Variants in TET3 observed in about 807,000 individuals in gnomAD.
TET3 encodes the protein methylcytosine dioxygenase TET3.
TET3 carries 19 observed loss-of-function variants against 141.4 expected under a neutral mutation model. The observed-to-expected ratio is 0.13, with a 90% CI of 0.09 to 0.20. The LOEUF is 0.20. TET3 is among the 10% of genes least tolerant of loss of function. TET3 has a pLI of 1.00. For synonymous variants in TET3, 1,043 were observed against 980.9 expected (o/e 1.06, Z -1.18); for missense variants, 1,874 against 2,356.9 (o/e 0.80, Z 4.24).
At position 74,049,578 on chromosome 2, in the gene TET3, G is replaced by A. The variant is rs374366243; in HGVS notation, c.2494+1167G>A. On this transcript the variant is annotated intron_variant, in intron 4 of 11. Coordinates refer to ENST00000409262, the MANE Select transcript of TET3 (RefSeq NM_001287491.2). ...AGATGTTGACAGAAAACACAGTGGT[G>A]CTGGCGATGAGCATATTGAATTCTT... Among the ~76,000 whole-genome samples the A allele has an allele frequency of 1.6e-4, 25 of 152,302 alleles. No individual in the cohort carries two copies. The East Asian group carries it at 4.2e-3, about 26-fold the overall frequency.
chr2:74,134,035 G>A, the TET3 span, among the ~76,000 whole-genome samples: 32 of 152,118 alleles, frequency 2.1e-4, no homozygotes, highest in African/African-American at 6.8e-4. Context: ...GAGCCACCAC[G>A]CCTGGCCTAT....
chr2:74,019,899 C>CTAGTTGGGAGAACTG (rs1401858006), intron 3 of TET3, among the ~76,000 whole-genome samples: 1 of 152,192 alleles, frequency 6.6e-6, no homozygotes, highest in Non-Finnish European at 1.5e-5. Context: ...TTAGTGCTAA[C>CTAGTTGGGAGAACTG]TAGTTGGGAG....
At chr2:74,060,997 G>A (rs1359850959) in intron 4 of TET3, among the ~76,000 whole-genome samples, 3 of 152,106 alleles carry the variant, frequency 2.0e-5, no homozygotes, top group African/African-American at 7.2e-5. Context: ...AACCGCCACT[G>A]TCATCATGGC....
At chr2:73,995,944 C>T (rs1479864962) in intron 2 of TET3, among the ~76,000 whole-genome samples, 10 of 152,130 alleles carry the variant, frequency 6.6e-5, no homozygotes, top group Non-Finnish European at 7.4e-5. Context: ...CTTTACTTGT[C>T]GCTATGGGAG....
chr2:74,100,481 C>T lies in TET3; in HGVS notation c.3693C>T (p.Tyr1231=). 1 of 1,596,736 alleles carries T rather than the reference C, an allele frequency of 6.3e-7. No homozygotes were observed. The highest frequency in any genetic ancestry group is 8.5e-7 in the Non-Finnish European group (1 of 1,171,826). Residue 1231 remains tyrosine, a synonymous_variant, in exon 12 of 12, where the codon TAC becomes TAT. Transcript: ENST00000409262. ...AGAACCACTTCAGCTCCTTCAAGTA[C>T]AGCGGCAACGCGGTGGTGGAGAGCT... The part of the protein sequence containing the change: ...EPQNHFSSFK[Y]SGNAVVESYS...
At chr2:74,128,221 A>G in the TET3 span, among the ~76,000 whole-genome samples, 1 of 152,046 alleles carries the variant, frequency 6.6e-6, no homozygotes, top group Non-Finnish European at 1.5e-5. Context: ...AAATGTGATT[A>G]TTTAATGTTT....
chr2:74,012,336 T>C (rs962113092), intron 3 of TET3, among the ~76,000 whole-genome samples: 1 of 152,236 alleles, frequency 6.6e-6, no homozygotes, highest in Admixed American at 6.5e-5. Context: ...CATATCTGTT[T>C]AGTGTCGTTT....
At chr2:74,043,470 A>G (rs976792850) in intron 3 of TET3, among the ~76,000 whole-genome samples, 2 of 152,170 alleles carry the variant, frequency 1.3e-5, no homozygotes, top group African/African-American at 4.8e-5. Context: ...TGCTTGAACA[A>G]ATAACAGTAG....
chr2:74,031,767 A>C (rs1404972884), intron 3 of TET3, among the ~76,000 whole-genome samples: 2 of 152,132 alleles, frequency 1.3e-5, no homozygotes, highest in Non-Finnish European at 2.9e-5. Context: ...TGAATGAAAA[A>C]CTTAGGTCTT....
In TET3 at chr2:74,105,943, A is replaced by G. The variant is rs1173784700; in HGVS notation, c.*3767A>G. ...TTTGTTACTGAAGTGTGTTTTATGG[A>G]CTAGGAAGCATTTTTATGAATTGAA... On this transcript the variant is annotated 3_prime_UTR_variant, in exon 12 of 12. Transcript: ENST00000409262. The G allele has an allele frequency of 6.5e-6, 1 of 153,786 alleles. No homozygotes were observed. Among genetic ancestry groups the G allele is most frequent in the Admixed American group, 6.5e-5 (1 of 15,278 alleles). 9.5% of individuals were successfully genotyped at this position (153,786 alleles called of 1,614,324 possible). A position where few individuals can be genotyped will look rare whatever the true frequency, so the allele number is the denominator to read the frequency against.
chr2:74,053,977 G>A (rs1415832736), intron 4 of TET3, among the ~76,000 whole-genome samples: 1 of 152,172 alleles, frequency 6.6e-6, no homozygotes, highest in East Asian at 1.9e-4. Flanking sequence ...CTTCCTGCAG[G>A]AGAGGATGTC....
At chr2:74,064,677 G>T (rs1468989931) in intron 4 of TET3, among the ~76,000 whole-genome samples, 1 of 152,036 alleles carries the variant, frequency 6.6e-6, no homozygotes, top group Non-Finnish European at 1.5e-5. Flanking sequence ...GAGATTATAG[G>T]CATGAGCCAC....
chr2:74,061,587 G>C (rs1688572727), intron 4 of TET3, among the ~76,000 whole-genome samples: 1 of 146,368 alleles, frequency 6.8e-6, no homozygotes, highest in Admixed American at 6.6e-5. Context: ...GGCTGGCCGG[G>C]CGGGGGGCTG....
chr2:74,027,879 T>A (rs1686460278), intron 3 of TET3, among the ~76,000 whole-genome samples: 1 of 152,262 alleles, frequency 6.6e-6, no homozygotes, highest in Non-Finnish European at 1.5e-5. Context: ...GGTTTTTTGG[T>A]TAAGGGGTTG....
At chr2:74,054,887 TTTG>T (rs545411461) in intron 4 of TET3, among the ~76,000 whole-genome samples, 47 of 152,104 alleles carry the variant, frequency 3.1e-4, no homozygotes, top group Non-Finnish European at 5.0e-4. Flanking sequence ...CTGCATGTTT[TTTG>T]TTGTTGTTGT....
At position 74,046,887 on chromosome 2, in the gene TET3, C is replaced by G; in HGVS notation, c.970C>G (p.Leu324Val). ...GLPAPSTRPL[L>V]SSEVPQISPQ... is the part of the protein sequence containing the mutation. Reference sequence around the variant, plus strand: ...CCCAGCACCAAGCACCAGGCCACTCCTCAGCTCAGAGGTGCCCCAGATCTC... The same window carrying G: ...CCCAGCACCAAGCACCAGGCCACTCGTCAGCTCAGAGGTGCCCCAGATCTC... Residue 324 changes from leucine (L) to valine (V), a missense_variant, in exon 4 of 12, where the codon CTC (leucine) becomes GTC (valine). By Grantham distance (32) the Leu-to-Val change is conservative (BLOSUM62 1). Around this residue, in one of 10 missense-constraint regions of TET3, gnomAD observed 366 missense variants for 487.0 expected, o/e 0.75. Coordinates refer to ENST00000409262, the MANE Select transcript of TET3 (RefSeq NM_001287491.2). This position sits in a 1 kb window ranked among gnomAD's most constrained non-coding sequence, Gnocchi z 4.3. 1 of 1,613,766 alleles carries G rather than the reference C, an allele frequency of 6.2e-7. No individual in the cohort carries two copies. Among genetic ancestry groups the G allele is most frequent in the Non-Finnish European group, 8.5e-7 (1 of 1,179,878 alleles).
rs142225010 is a variant in TET3, at chr2:74,004,823, G to A, written c.360+1657G>A. ...GGTTCCACCTCTGCTTCCTCCCCTC[G>A]CCTCCCGCTGCTGGCTGGAGGAGTT... On this transcript the variant is annotated intron_variant, in intron 3 of 11. Coordinates refer to ENST00000409262, the MANE Select transcript of TET3 (RefSeq NM_001287491.2). 1.9e-3 allele frequency among the ~76,000 whole-genome samples: 282 copies of A among 152,262 alleles called. 3 individuals are homozygous for A. Among genetic ancestry groups the A allele is most frequent in the African/African-American group, 6.4e-3 (266 of 41,534 alleles).
In TET3 at chr2:74,106,396, T is replaced by G. The variant is rs1304071699; in HGVS notation, c.*4220T>G. On this transcript the variant is annotated 3_prime_UTR_variant, in exon 12 of 12. Transcript: ENST00000409262. ...TCTGCCTCTCCTAGCATGATAGGCA[T>G]TCTCATAGCCAGGGACAGATTTTCT... 6.5e-6 allele frequency: 1 copy of G among 153,726 alleles called. No homozygotes were observed. Among genetic ancestry groups the G allele is most frequent in the Non-Finnish European group, 1.5e-5 (1 of 68,072 alleles). The allele number at this position is 153,726 out of a possible 1,614,324, so 9.5% of individuals were successfully genotyped here.
the TET3 span, among the ~76,000 whole-genome samples, chr2:74,117,844 C>T: frequency 1.3e-5 from 2 of 152,200 alleles, no homozygotes; most frequent in Non-Finnish European, 2.9e-5. Flanking sequence ...CTCCCGGATT[C>T]AAATGATTCT....
Sources: allele counts gnomAD v4.1 joint callset (sites outside exome capture counted in the v4.1 genomes callset), GRCh38; gene constraint gnomAD v4.1.1; regional missense constraint gnomAD v4.1.1; non-coding constraint Gnocchi (gnomAD v3.1); transcripts MANE v1.5; gene names NCBI Gene and HGNC (gene_info 2026-07-23, HGNC 2026-07-21).